FMNL2: variants seen among roughly 807,000 people sequenced by gnomAD.
FMNL2 encodes formin like 2.
In FMNL2, 51 loss-of-function variants were observed where a neutral mutation model predicts 130.2. The observed-to-expected ratio is 0.39, with a 90% confidence interval of 0.31 to 0.49. The LOEUF is 0.49. Ranked by LOEUF, FMNL2 falls within the 20% of genes least tolerant of loss-of-function variation. The pLI, the probability that FMNL2 is intolerant of heterozygous loss-of-function variation, is 0.85. For missense variants in FMNL2, 977 were observed against 1,316.2 expected, an observed-to-expected ratio of 0.74 and a Z score of 3.99; for synonymous variants, 465 against 467.1, an observed-to-expected ratio of 1.00 and a Z score of 0.06.
At chr2:152,639,059 AT>A (rs11345920) in intron 23 of FMNL2, among the ~76,000 whole-genome samples, 132,945 of 151,990 alleles carry the variant, frequency 0.87, 58,344 homozygotes, top group Non-Finnish European at 0.9. Flanking sequence ...CCTCCCTGTG[AT>A]TTTTCACAGC....
chr2:152,367,413 A>G (rs1683621296), intron 1 of FMNL2, among the ~76,000 whole-genome samples: 1 of 152,198 alleles, frequency 6.6e-6, no homozygotes, highest in South Asian at 2.1e-4. Flanking sequence ...ATAAGGCTGA[A>G]AAAATGTGGG....
rs903050166 is a variant in FMNL2, at chr2:152,416,799, A to G, written c.117+81079A>G. Among the ~76,000 whole-genome samples, 5 of 152,346 alleles carry G rather than the reference A, an allele frequency of 3.3e-5. No individual in the cohort carries two copies. The South Asian group carries it at 8.3e-4, about 25-fold the overall frequency. On this transcript the variant is annotated intron_variant, in intron 1 of 25. Coordinates refer to ENST00000288670, the MANE Select transcript of FMNL2 (RefSeq NM_052905.4). ...AAAGTGTCACAGCCAAGGCATGAAA[A>G]TGTGGATCAAGTAGGCAAATGGAAT... is the stretch of plus-strand genomic sequence containing the variant.
intron 1 of FMNL2, among the ~76,000 whole-genome samples, chr2:152,337,503 G>A (rs983157207): frequency 6.6e-6 from 1 of 151,666 alleles, no homozygotes; most frequent in African/African-American, 2.4e-5. Context: ...ATGCAATTAA[G>A]TTCTGCTTGA....
intron 6 of FMNL2, among the ~76,000 whole-genome samples, chr2:152,565,116 C>A (rs991469841): frequency 1.3e-5 from 2 of 152,130 alleles, no homozygotes; most frequent in African/African-American, 2.4e-5. Flanking sequence ...CACATCAGAT[C>A]TATGAAGACA....
At chr2:152,611,643 T>C (rs1178520202) in intron 11 of FMNL2, 38 bp downstream of exon 11, 1 of 1,346,006 alleles carries the variant, frequency 7.4e-7, no homozygotes, top group Non-Finnish European at 1.0e-6. Context: ...AATATAAGAA[T>C]TGACTTATTA....
At chr2:152,450,323 G>T (rs963231497) in intron 1 of FMNL2, among the ~76,000 whole-genome samples, 6 of 152,152 alleles carry the variant, frequency 3.9e-5, no homozygotes, top group Non-Finnish European at 8.8e-5. Flanking sequence ...TTTCCCTTCT[G>T]ATTAACATAA....
intron 1 of FMNL2, among the ~76,000 whole-genome samples, chr2:152,395,493 A>G (rs1184926713): frequency 6.6e-6 from 1 of 152,220 alleles, no homozygotes; most frequent in Non-Finnish European, 1.5e-5. Flanking sequence ...TTGTGTCTCC[A>G]CAATGGTTCT....
chr2:152,495,403 A>T (rs181133306), intron 1 of FMNL2, among the ~76,000 whole-genome samples: 1 of 152,068 alleles, frequency 6.6e-6, no homozygotes, highest in African/African-American at 2.4e-5. Flanking sequence ...TAATCCCAGC[A>T]CTTTGGGAGG....
intron 9 of FMNL2, among the ~76,000 whole-genome samples, chr2:152,607,109 G>T (rs1698415137): frequency 6.9e-6 from 1 of 145,958 alleles, no homozygotes. Flanking sequence ...AAACACATTT[G>T]ATATGGATTT....
rs1392989243 is a variant in FMNL2, at chr2:152,629,821, G to A, written c.2470-4G>A. 1 of 1,612,582 alleles carries A rather than the reference G, an allele frequency of 6.2e-7. No individual in the cohort carries two copies. Among genetic ancestry groups the A allele is most frequent in the East Asian group, 2.2e-5 (1 of 44,864 alleles). On this transcript the variant is annotated splice_polypyrimidine_tract_variant and splice_region_variant and intron_variant, in intron 19 of 25. Transcript: ENST00000288670. The stretch of plus-strand genomic sequence containing the variant: ...TGGGCTTCTGTTTTCACCTTCTTTT[G>A]CAGATCATCTTAGCCCTTGGAAACT...
intron 11 of FMNL2, among the ~76,000 whole-genome samples, chr2:152,612,790 G>A (rs1163728159): frequency 6.6e-6 from 1 of 151,820 alleles, no homozygotes; most frequent in Non-Finnish European, 1.5e-5. Context: ...TGTATTTTTA[G>A]TAGAGACTGG....
intron 1 of FMNL2, among the ~76,000 whole-genome samples, chr2:152,344,515 G>A (rs1209572386): frequency 6.6e-6 from 1 of 152,102 alleles, no homozygotes; most frequent in Non-Finnish European, 1.5e-5. Context: ...GCAACAAGAT[G>A]AAAAAATACA....
intron 12 of FMNL2, 51 bp from the exon 13 acceptor site, chr2:152,617,040 C>G: frequency 6.6e-7 from 1 of 1,514,748 alleles, no homozygotes; most frequent in Non-Finnish European, 9.1e-7. Flanking sequence ...GAACTGAGGG[C>G]TGATCAAGAT....
intron 8 of FMNL2, 29 bp from the exon 9 acceptor site, chr2:152,580,927 T>A: frequency 6.3e-7 from 1 of 1,599,072 alleles, no homozygotes. Flanking sequence ...TTTCACTGAT[T>A]TGTGTTTTTC....
intron 1 of FMNL2, among the ~76,000 whole-genome samples, chr2:152,386,468 C>T (rs1558817189): frequency 6.6e-6 from 1 of 152,220 alleles, no homozygotes; most frequent in Non-Finnish European, 1.5e-5. Flanking sequence ...TACCTCTTCA[C>T]TTGGAGGAGT....
chr2:152,395,039 A>G (rs776502486), intron 1 of FMNL2, among the ~76,000 whole-genome samples: 2 of 152,200 alleles, frequency 1.3e-5, no homozygotes, highest in African/African-American at 2.4e-5. Flanking sequence ...CTGCTGAACC[A>G]GGAATGCTGT....
chr2:152,449,709 C>A (rs531357265), intron 1 of FMNL2, among the ~76,000 whole-genome samples: 2 of 152,148 alleles, frequency 1.3e-5, no homozygotes, highest in South Asian at 2.1e-4. Flanking sequence ...GTAAGAGTTA[C>A]GGCTTTTTAG....
intron 2 of FMNL2, among the ~76,000 whole-genome samples, chr2:152,527,842 A>G (rs1324426752): frequency 6.6e-6 from 1 of 152,066 alleles, no homozygotes; most frequent in Non-Finnish European, 1.5e-5. Context: ...TCTTCTTTGT[A>G]TCTTAACTTG....
At chr2:152,633,038 C>T (rs1559026898) in intron 21 of FMNL2, among the ~76,000 whole-genome samples, 1 of 151,768 alleles carries the variant, frequency 6.6e-6, no homozygotes, top group Non-Finnish European at 1.5e-5. Flanking sequence ...TCTACCCTCT[C>T]GTACAAGATT....
Sources: allele counts gnomAD v4.1 joint callset (sites outside exome capture counted in the v4.1 genomes callset), GRCh38; gene constraint gnomAD v4.1.1; transcripts MANE v1.5; gene names NCBI Gene and HGNC (gene_info 2026-07-23, HGNC 2026-07-21).